Variants in FAM193A observed in about 807,000 individuals in gnomAD.
FAM193A encodes the protein protein FAM193A.
Under a neutral mutation model 126.5 loss-of-function variants are expected in FAM193A, and 22 were observed. That is an observed-to-expected ratio of 0.17 (90% CI 0.12 to 0.25). The LOEUF is 0.25. FAM193A is among the 10% of genes least tolerant of loss of function. The pLI is 1.00. For synonymous variants in FAM193A, 761 were observed against 646.8 expected, an observed-to-expected ratio of 1.18 and a Z score of -2.68; for missense variants, 1,675 against 1,672.8, an observed-to-expected ratio of 1.00 and a Z score of -0.02.
chr4:2,581,080 G>C (rs2108878483), intron 1 of FAM193A, among the ~76,000 whole-genome samples: 1 of 151,734 alleles, frequency 6.6e-6, no homozygotes, highest in African/African-American at 2.4e-5. Flanking sequence ...AGTGAGCTGA[G>C]ATTGCGCCAC....
chr4:2,641,865 A>G lies in FAM193A; in HGVS notation c.1163+2006A>G, dbSNP rs188031249. 1.3e-5 allele frequency among the ~76,000 whole-genome samples: 2 copies of G among 152,024 alleles called. 1 individual carries two copies. The highest frequency in any genetic ancestry group is 3.9e-4 in the East Asian group (2 of 5,146). The stretch of plus-strand genomic sequence containing the variant: ...ATGCCTCTAGCCCCGGCTACTTGGG[A>G]GGCTGAGGCAGGAGGATTGCTTAAG... On this transcript the variant is annotated intron_variant, in intron 6 of 20. Coordinates refer to ENST00000637812, the MANE Select transcript of FAM193A (RefSeq NM_001366318.2).
At chr4:2,557,342 C>A (rs1484902320) in intron 1 of FAM193A, among the ~76,000 whole-genome samples, 1 of 152,144 alleles carries the variant, frequency 6.6e-6, no homozygotes, top group Non-Finnish European at 1.5e-5. Context: ...GGAGTTTGTG[C>A]ATTCTCTTCA....
chr4:2,622,257 C>CAA (rs71178493), intron 2 of FAM193A, among the ~76,000 whole-genome samples: 3,747 of 55,656 alleles, frequency 0.067, 299 homozygotes, highest in African/African-American at 0.11. Context: ...ACCCTGTCTC[C>CAA]AAAAAAAAAA....
At chr4:2,688,145 A>G (rs1221639387) in intron 13 of FAM193A, among the ~76,000 whole-genome samples, 1 of 152,192 alleles carries the variant, frequency 6.6e-6, no homozygotes, top group Non-Finnish European at 1.5e-5. Context: ...ATGTCTGCCC[A>G]GCATTAGCAA....
rs2109307648 is a variant in FAM193A, at chr4:2,699,771, A to G, written c.3599A>G (p.Asp1200Gly). Residue 1200 changes from aspartate (D) to glycine (G), a missense_variant, in exon 19 of 21, where the codon GAT becomes GGT. Around this residue, in one of 4 missense-constraint regions of FAM193A, gnomAD observed 415 missense variants for 396.7 expected, o/e 1.05. Transcript: ENST00000637812. ...CAGAGGCGGCGGGAGGAGGAGGAGG[A>G]TGAGGAAGAAGAGGAGGATCGTTTC... ...EEQRRREEEE[D>G]EEEEEDRFKE... 1 of 1,613,832 alleles carries G rather than the reference A, an allele frequency of 6.2e-7. No homozygotes were observed. The highest frequency in any genetic ancestry group is 8.5e-7 in the Non-Finnish European group (1 of 1,179,896).
chr4:2,546,992 C>T (rs1177828912), intron 1 of FAM193A, among the ~76,000 whole-genome samples: 2 of 152,130 alleles, frequency 1.3e-5, no homozygotes, highest in Non-Finnish European at 2.9e-5. Flanking sequence ...CCATGTTGCC[C>T]AAGCTGGTCT....
upstream of FAM193A, among the ~76,000 whole-genome samples, chr4:2,536,268 C>T (rs906023390): frequency 4.0e-5 from 6 of 151,598 alleles, no homozygotes; most frequent in Admixed American, 6.6e-5. Flanking sequence ...CTCCTGCCGG[C>T]CTAGCCCTAC....
intron 1 of FAM193A, among the ~76,000 whole-genome samples, chr4:2,570,383 T>A (rs1455253218): frequency 6.6e-6 from 1 of 152,180 alleles, no homozygotes; most frequent in Non-Finnish European, 1.5e-5. Context: ...AGAGAGTCAT[T>A]CTGTGCTAAA....
At chr4:2,708,858 G>A (rs975277124) in intron 19 of FAM193A, among the ~76,000 whole-genome samples, 7 of 152,102 alleles carry the variant, frequency 4.6e-5, no homozygotes, top group Non-Finnish European at 1.5e-5. Flanking sequence ...TATTATATAT[G>A]TGTACAAATA....
chr4:2,699,724 G>C lies in FAM193A; in HGVS notation c.3552G>C (p.Glu1184Asp), dbSNP rs574194362. Residue 1184 changes from glutamate (E) to aspartate (D), a missense_variant, in exon 19 of 21, where the codon GAG becomes GAC. Glu to Asp is a conservative substitution (Grantham distance 45, BLOSUM62 2). Coordinates refer to ENST00000637812, the MANE Select transcript of FAM193A (RefSeq NM_001366318.2). ...TAGAAGCAGAGGCCAGGGCCCGGGA[G>C]CACCTGCACCTCCAGGAGGAGCAGA... is the stretch of plus-strand genomic sequence containing the variant. The part of the protein sequence containing the change: ...ARLEAEARAR[E>D]HLHLQEEQRR... 1 of 1,613,710 alleles carries C rather than the reference G, an allele frequency of 6.2e-7. No homozygotes were observed. The highest frequency in any genetic ancestry group is 1.1e-5 in the South Asian group (1 of 91,052).
At chr4:2,545,317 G>C (rs866779164) in intron 1 of FAM193A, among the ~76,000 whole-genome samples, 2 of 152,138 alleles carry the variant, frequency 1.3e-5, no homozygotes, top group Non-Finnish European at 2.9e-5. Context: ...CATAGAACAA[G>C]AATTTTTGTG....
intron 20 of FAM193A, among the ~76,000 whole-genome samples, chr4:2,716,703 A>G (rs749961739): frequency 6.6e-6 from 1 of 152,146 alleles, no homozygotes; most frequent in Non-Finnish European, 1.5e-5. Flanking sequence ...TTAAGAGGGA[A>G]TCTCACTCTA....
rs766141641 is a variant in FAM193A, at chr4:2,657,788, A to T, written c.1312-15A>T. ...AGTTTTTCTTTTTTTTCTGTTTTTT[A>T]CATCCCCTTACTAGATGACAATGAA... On this transcript the variant is annotated splice_polypyrimidine_tract_variant and intron_variant, in intron 7 of 20. Transcript: ENST00000637812. 1 of 1,570,396 alleles carries T rather than the reference A, an allele frequency of 6.4e-7. No homozygotes were observed. Among genetic ancestry groups the T allele is most frequent in the Admixed American group, 2.0e-5 (1 of 49,890 alleles).
At chr4:2,582,729 C>T (rs999102753) in intron 1 of FAM193A, among the ~76,000 whole-genome samples, 1 of 151,410 alleles carries the variant, frequency 6.6e-6, no homozygotes, top group Admixed American at 6.6e-5. Context: ...GTGTGTTATG[C>T]AGCACAGGCT....
chr4:2,706,932 C>T (rs1022108915), intron 19 of FAM193A, among the ~76,000 whole-genome samples: 2 of 151,830 alleles, frequency 1.3e-5, no homozygotes, highest in Admixed American at 6.6e-5. Flanking sequence ...ATCAGCCTGG[C>T]CAACATGGTG....
chr4:2,661,953 G>A lies in FAM193A; in HGVS notation c.1746-885G>A, dbSNP rs191746823. ...AATCCCAGCACTTTGGGAGGCCGAG[G>A]CGGGCGGATCACGAGGTCAGGGGAT... On this transcript the variant is annotated intron_variant, in intron 10 of 20. Transcript: ENST00000637812. Among the ~76,000 whole-genome samples, 262 of 152,324 alleles carry A rather than the reference G, an allele frequency of 1.7e-3. 3 individuals carry two copies. The Middle Eastern group carries it at 0.027, about 16-fold the overall frequency.
chr4:2,657,392 CAT>C (rs1241457380), intron 7 of FAM193A, among the ~76,000 whole-genome samples: 1 of 152,170 alleles, frequency 6.6e-6, no homozygotes, highest in Non-Finnish European at 1.5e-5. Flanking sequence ...TTTTAAGTCT[CAT>C]ATGCCTGTTA....
intron 2 of FAM193A, among the ~76,000 whole-genome samples, chr4:2,604,085 C>T (rs1266916639): frequency 5.3e-5 from 8 of 151,994 alleles, no homozygotes; most frequent in East Asian, 1.9e-4. Context: ...TCAGGTGATC[C>T]GCCCGCCTCA....
chr4:2,731,472 C>T (rs1025687454), intron 20 of FAM193A, among the ~76,000 whole-genome samples: 5 of 152,062 alleles, frequency 3.3e-5, no homozygotes, highest in African/African-American at 1.2e-4. Context: ...AGGTATGAGC[C>T]ACCACACCCT....
Sources: allele counts gnomAD v4.1 joint callset (sites outside exome capture counted in the v4.1 genomes callset), GRCh38; gene constraint gnomAD v4.1.1; regional missense constraint gnomAD v4.1.1; transcripts MANE v1.5; gene names NCBI Gene and HGNC (gene_info 2026-07-23, HGNC 2026-07-21).